The following GALNTL6 variants were observed in gnomAD, a reference collection of about 807,000 sequenced individuals.
GALNTL6 encodes the protein polypeptide N-acetylgalactosaminyltransferase-like 6.
In GALNTL6, 46 loss-of-function variants were observed where a neutral mutation model predicts 73.7. That is an observed-to-expected ratio of 0.62 (90% CI 0.49 to 0.80). GALNTL6 has a LOEUF of 0.80. Ranked by LOEUF, GALNTL6 falls within the 30% of genes least tolerant of loss-of-function variation. GALNTL6 has a pLI of 0.00. For missense variants in GALNTL6, 604 were observed against 755.0 expected, an observed-to-expected ratio of 0.80 and a Z score of 2.34; for synonymous variants, 259 against 263.7, an observed-to-expected ratio of 0.98 and a Z score of 0.17.
chr4:172,204,603 A>G (rs1223283435), intron 2 of GALNTL6, among the ~76,000 whole-genome samples: 1 of 152,160 alleles, frequency 6.6e-6, no homozygotes, highest in African/African-American at 2.4e-5. Flanking sequence ...GTTTCCTTTC[A>G]TTTTCAAAAG....
chr4:172,696,936 G>T (rs775120354), intron 5 of GALNTL6, among the ~76,000 whole-genome samples: 90 of 152,114 alleles, frequency 5.9e-4, no homozygotes, highest in Non-Finnish European at 1.1e-3. Flanking sequence ...TTACATGACT[G>T]ATTTGTCACA....
At chr4:172,825,078 T>TTTCC (rs1443554939) in intron 7 of GALNTL6, among the ~76,000 whole-genome samples, 2 of 105,626 alleles carry the variant, frequency 1.9e-5, no homozygotes, top group African/African-American at 7.1e-5. Context: ...TTTGGTTATC[T>TTTCC]TTTCTTTCTT....
intron 2 of GALNTL6, among the ~76,000 whole-genome samples, chr4:172,127,021 G>T (rs1424082284): frequency 2.0e-5 from 3 of 152,156 alleles, no homozygotes; most frequent in Non-Finnish European, 4.4e-5. Context: ...AAGCTTACCT[G>T]CCCCAGCCAG....
At chr4:172,127,971 G>C (rs965982583) in intron 2 of GALNTL6, among the ~76,000 whole-genome samples, 1 of 152,058 alleles carries the variant, frequency 6.6e-6, no homozygotes, top group African/African-American at 2.4e-5. Flanking sequence ...TGGTCATGGT[G>C]GTGGGCGCCT....
chr4:172,186,972 A>T (rs1735433888), intron 2 of GALNTL6, among the ~76,000 whole-genome samples: 1 of 152,248 alleles, frequency 6.6e-6, no homozygotes, highest in African/African-American at 2.4e-5. Context: ...TTGTTTTTTT[A>T]AAATTGGTAC....
intron 10 of GALNTL6, among the ~76,000 whole-genome samples, chr4:172,992,893 T>C (rs1382617674): frequency 6.6e-6 from 1 of 152,146 alleles, no homozygotes; most frequent in Non-Finnish European, 1.5e-5. Context: ...ATGTATTGTC[T>C]TTTTTTCAAA....
Position 173,040,049 on chromosome 4 carries a change from A to G in GALNTL6, c.1755A>G (p.Glu585=), listed in dbSNP as rs202143592. Reference sequence around the variant, plus strand: ...CTGAGACTCAGCAGTGGATTTTTGAACACATTAATATGACTGTTTTAGAAA... The same window carrying G: ...CTGAGACTCAGCAGTGGATTTTTGAGCACATTAATATGACTGTTTTAGAAA... ...PLSETQQWIF[E]HINMTVLEKF... Residue 585 remains glutamate, a synonymous_variant, in exon 13 of 13, where the codon GAA becomes GAG. Transcript: ENST00000506823. 73 of 1,613,482 alleles carry G rather than the reference A, an allele frequency of 4.5e-5. No homozygotes were observed. The highest frequency in any genetic ancestry group is 5.8e-5 in the Non-Finnish European group (68 of 1,179,568).
chr4:172,270,189 A>ATGTGTGTGTGTGTATATG (rs1738596091), intron 3 of GALNTL6, among the ~76,000 whole-genome samples: 1 of 150,146 alleles, frequency 6.7e-6, no homozygotes, highest in African/African-American at 2.5e-5. Context: ...GTGTGTGTGT[A>ATGTGTGTGTGTGTATATG]TGTGTGTGTG....
At chr4:172,476,098 T>C (rs1347379232) in intron 5 of GALNTL6, among the ~76,000 whole-genome samples, 1 of 152,224 alleles carries the variant, frequency 6.6e-6, no homozygotes, top group African/African-American at 2.4e-5. Context: ...TTCAACACAA[T>C]GTAAACTGTC....
chr4:173,001,498 A>G (rs1294947076), intron 10 of GALNTL6, among the ~76,000 whole-genome samples: 1 of 152,192 alleles, frequency 6.6e-6, no homozygotes, highest in Non-Finnish European at 1.5e-5. Context: ...CAGGCAACAA[A>G]AGAAAACAAA....
chr4:171,893,136 T>C (rs1282448990), intron 2 of GALNTL6, among the ~76,000 whole-genome samples: 1 of 152,196 alleles, frequency 6.6e-6, no homozygotes, highest in Non-Finnish European at 1.5e-5. Flanking sequence ...CCAAACAGAA[T>C]TTAAGTTACA....
At chr4:171,883,623 T>C (rs1388066961) in intron 2 of GALNTL6, among the ~76,000 whole-genome samples, 1 of 151,990 alleles carries the variant, frequency 6.6e-6, no homozygotes, top group Non-Finnish European at 1.5e-5. Flanking sequence ...ATCTAAATTA[T>C]ACATGTTCTT....
At chr4:172,060,175 C>T (rs1731152801) in intron 2 of GALNTL6, among the ~76,000 whole-genome samples, 1 of 151,996 alleles carries the variant, frequency 6.6e-6, no homozygotes, top group Admixed American at 6.6e-5. Flanking sequence ...ACCTGAATTA[C>T]CAAAACATGG....
intron 2 of GALNTL6, among the ~76,000 whole-genome samples, chr4:172,224,014 G>A (rs1350410631): frequency 6.6e-6 from 1 of 152,012 alleles, no homozygotes; most frequent in Admixed American, 6.5e-5. Context: ...CTGTAACAGA[G>A]TTTCAACCAC....
intron 5 of GALNTL6, among the ~76,000 whole-genome samples, chr4:172,396,264 C>G (rs1393181008): frequency 6.6e-6 from 1 of 151,610 alleles, no homozygotes; most frequent in Non-Finnish European, 1.5e-5. Flanking sequence ...GGAAACTTGC[C>G]TTCTTCCGAT....
rs568616282 is a variant in GALNTL6, at chr4:171,988,918, A to G, written c.138+174200A>G. On this transcript the variant is annotated intron_variant, in intron 2 of 12. Coordinates refer to ENST00000506823, the MANE Select transcript of GALNTL6 (RefSeq NM_001034845.3). ...AGGGGAGGATGTGAAGGAGGCTTTG[A>G]ACTGGGGGAAAAGGTGGCAATGAGG... is the stretch of plus-strand genomic sequence containing the variant. Among the ~76,000 whole-genome samples the G allele has an allele frequency of 6.9e-4, 105 of 152,006 alleles. 1 individual carries two copies. In the South Asian group the frequency reaches 0.02, roughly 29 times the overall value.
intron 2 of GALNTL6, among the ~76,000 whole-genome samples, chr4:171,904,616 A>G (rs1445828012): frequency 1.3e-5 from 2 of 152,186 alleles, no homozygotes; most frequent in African/African-American, 4.8e-5. Flanking sequence ...AAGGCAGGCC[A>G]ACATTCAGAT....
At chr4:172,573,842 T>A (rs1416920368) in intron 5 of GALNTL6, among the ~76,000 whole-genome samples, 1 of 152,210 alleles carries the variant, frequency 6.6e-6, no homozygotes, top group African/African-American at 2.4e-5. Context: ...ATTTCAGGAC[T>A]TTTGCCAGTA....
At chr4:171,989,039 G>T (rs1038730187) in intron 2 of GALNTL6, among the ~76,000 whole-genome samples, 12 of 152,094 alleles carry the variant, frequency 7.9e-5, no homozygotes, top group South Asian at 2.1e-4. Flanking sequence ...TAACTAAAAA[G>T]GAGTGCTTAA....
Sources: allele counts gnomAD v4.1 joint callset (sites outside exome capture counted in the v4.1 genomes callset), GRCh38; gene constraint gnomAD v4.1.1; transcripts MANE v1.5; gene names NCBI Gene and HGNC (gene_info 2026-07-23, HGNC 2026-07-21).